BABAM2: variants seen among roughly 807,000 people sequenced by gnomAD.
The protein encoded by BABAM2 is BRISC and BRCA1-A complex member 2.
A neutral mutation model predicts 54.7 loss-of-function variants in BABAM2; 31 were observed. The ratio of observed to expected loss-of-function variants is 0.57; its 90% CI spans 0.43 to 0.77. The LOEUF (loss-of-function observed/expected upper bound fraction) is 0.77. Ranked by LOEUF, BABAM2 falls within the 30% of genes least tolerant of loss-of-function variation. The probability of loss-of-function intolerance (pLI) is 0.00; values close to 1 mark genes in which losing one functional copy is unlikely to be tolerated. For missense variants in BABAM2, 364 were observed against 455.8 expected (o/e 0.80, Z 1.83); for synonymous variants, 167 against 162.9 (o/e 1.03, Z -0.19).
chr2:28,261,293 G>T lies in BABAM2; in HGVS notation c.934+16431G>T, dbSNP rs144266282. 5.2e-3 allele frequency among the ~76,000 whole-genome samples: 787 copies of T among 150,662 alleles called. 3 individuals carry two copies. The highest frequency in any genetic ancestry group is 0.018 in the African/African-American group (758 of 41,102). On this transcript the variant is annotated intron_variant, in intron 10 of 11. Transcript: ENST00000379624. Reference sequence around the variant, plus strand: ...ATTGTTAATATATAGAAATATAATTGATTTTGTGTATTGACCTTTAGTAAA... The same window carrying T: ...ATTGTTAATATATAGAAATATAATTTATTTTGTGTATTGACCTTTAGTAAA...
At chr2:28,016,002 C>G in intron 4 of BABAM2, 1 of 599,400 alleles carries the variant, frequency 1.7e-6, no homozygotes. Flanking sequence ...CATCTTTTGA[C>G]TTCTTTTTCT....
intron 6 of BABAM2, among the ~76,000 whole-genome samples, chr2:28,068,409 A>G (rs1663816866): frequency 6.6e-6 from 1 of 152,170 alleles, no homozygotes; most frequent in East Asian, 1.9e-4. Flanking sequence ...AGAATACATA[A>G]AATACTGAGT....
At chr2:28,247,793 G>A (rs1683032538) in intron 10 of BABAM2, among the ~76,000 whole-genome samples, 1 of 152,170 alleles carries the variant, frequency 6.6e-6, no homozygotes, top group African/African-American at 2.4e-5. Context: ...GAGGAAAGAG[G>A]CACTCTTCTT....
chr2:28,019,018 A>G (rs1675055120), intron 4 of BABAM2, among the ~76,000 whole-genome samples: 1 of 151,790 alleles, frequency 6.6e-6, no homozygotes, highest in South Asian at 2.1e-4. Flanking sequence ...AACCCTTGAC[A>G]GGCCCCAGTG....
chr2:28,083,655 T>G (rs1000746199), intron 6 of BABAM2, among the ~76,000 whole-genome samples: 4 of 152,214 alleles, frequency 2.6e-5, no homozygotes, highest in Admixed American at 6.5e-5. Flanking sequence ...CTGCTGTGTA[T>G]GTACTATCAT....
At chr2:28,312,983 G>C (rs1009507657) in intron 11 of BABAM2, among the ~76,000 whole-genome samples, 1 of 152,110 alleles carries the variant, frequency 6.6e-6, no homozygotes, top group African/African-American at 2.4e-5. Context: ...AGCCACCTCT[G>C]ACCTCCTACG....
chr2:28,116,926 G>A (rs1054859916), intron 6 of BABAM2, among the ~76,000 whole-genome samples: 1 of 152,198 alleles, frequency 6.6e-6, no homozygotes, highest in Admixed American at 6.5e-5. Context: ...TCATATTCGT[G>A]TAGTTGTTGC....
chr2:28,238,604 G>A (rs1682131139), intron 8 of BABAM2, among the ~76,000 whole-genome samples: 1 of 152,156 alleles, frequency 6.6e-6, no homozygotes, highest in Non-Finnish European at 1.5e-5. Context: ...ACAGATTCCA[G>A]GCTTTAACCC....
intron 5 of BABAM2, among the ~76,000 whole-genome samples, chr2:28,041,184 T>G (rs543756388): frequency 6.6e-6 from 1 of 152,246 alleles, no homozygotes; most frequent in African/African-American, 2.4e-5. Context: ...TGTTTATTTA[T>G]GTATGTATAT....
At chr2:28,300,934 T>A (rs1007331881) in intron 11 of BABAM2, among the ~76,000 whole-genome samples, 2 of 152,096 alleles carry the variant, frequency 1.3e-5, no homozygotes, top group Non-Finnish European at 2.9e-5. Flanking sequence ...AAGAAATAGT[T>A]TAAGTTTCCA....
rs1466125572 is a variant in BABAM2 at position 28,210,309 on chromosome 2, G to A, written c.681-26893G>A. Among the ~76,000 whole-genome samples, 9 of 152,216 alleles carry A rather than the reference G, an allele frequency of 5.9e-5. No individual in the cohort carries two copies. The East Asian group carries it at 9.6e-4, about 16-fold the overall frequency. On this transcript the variant is annotated intron_variant, in intron 7 of 11. Transcript: ENST00000379624. ...TAAATAGGAAAGACACGTTTGTGCC[G>A]TGAGCTGCTCACAATCTAGGGAGGG...
At chr2:28,084,784 T>G (rs1210361204) in intron 6 of BABAM2, among the ~76,000 whole-genome samples, 2 of 152,146 alleles carry the variant, frequency 1.3e-5, no homozygotes, top group Non-Finnish European at 2.9e-5. Context: ...TGAGGAGCCC[T>G]TCTGCCTTCT....
At chr2:27,947,475 T>G (rs1034109243) in intron 3 of BABAM2, among the ~76,000 whole-genome samples, 1 of 152,306 alleles carries the variant, frequency 6.6e-6, no homozygotes, top group South Asian at 2.1e-4. Flanking sequence ...CCTTTTCTGC[T>G]ATTATACATT....
intron 11 of BABAM2, among the ~76,000 whole-genome samples, chr2:28,312,610 C>T (rs1689177014): frequency 6.6e-6 from 1 of 152,114 alleles, no homozygotes; most frequent in Non-Finnish European, 1.5e-5. Flanking sequence ...TTAGAAAACT[C>T]ACTGGGGCAG....
intron 3 of BABAM2, among the ~76,000 whole-genome samples, chr2:27,984,506 G>A (rs1573327066): frequency 6.6e-6 from 1 of 152,040 alleles, no homozygotes; most frequent in Admixed American, 6.6e-5. Flanking sequence ...GGTGAGAGGA[G>A]GTGGTTGTAC....
At chr2:28,159,522 G>T (rs1672854433) in intron 7 of BABAM2, among the ~76,000 whole-genome samples, 1 of 152,198 alleles carries the variant, frequency 6.6e-6, no homozygotes. Flanking sequence ...AACTAGGCAT[G>T]AATGCAAGAG....
intron 2 of BABAM2, among the ~76,000 whole-genome samples, chr2:27,898,885 T>G (rs1665549243): frequency 6.6e-6 from 1 of 151,746 alleles, no homozygotes; most frequent in African/African-American, 2.4e-5. Context: ...TGGGAATAGA[T>G]GAAGAATGAT....
At chr2:27,939,033 A>C (rs547561318) in intron 3 of BABAM2, among the ~76,000 whole-genome samples, 4 of 151,856 alleles carry the variant, frequency 2.6e-5, no homozygotes, top group African/African-American at 4.8e-5. Context: ...GCTCACTTCA[A>C]CCTCCACCTC....
chr2:28,072,111 C>T (rs1664197981), intron 6 of BABAM2, among the ~76,000 whole-genome samples: 1 of 151,920 alleles, frequency 6.6e-6, no homozygotes, highest in Admixed American at 6.6e-5. Context: ...ACCTCAAACT[C>T]TTGGCCTTAA....
Sources: allele counts gnomAD v4.1 joint callset (sites outside exome capture counted in the v4.1 genomes callset), GRCh38; gene constraint gnomAD v4.1.1; transcripts MANE v1.5; gene names NCBI Gene and HGNC (gene_info 2026-07-23, HGNC 2026-07-21).